PRKN: variants seen among roughly 807,000 people sequenced by gnomAD.
The protein encoded by PRKN is parkin RBR E3 ubiquitin protein ligase, also known as E3 ubiquitin-protein ligase parkin.
In PRKN, 56 loss-of-function variants were observed where a neutral mutation model predicts 59.5. The observed-to-expected ratio is 0.94, with a 90% confidence interval of 0.76 to 1.18. The LOEUF (loss-of-function observed/expected upper bound fraction) is 1.18, where lower values mean the gene tolerates loss of function less well. Among genes scored for constraint, PRKN ranks in the 50% most tolerant of loss-of-function variants. The probability of loss-of-function intolerance (pLI) is 0.00; values close to 1 mark genes in which losing one functional copy is unlikely to be tolerated. For missense variants in PRKN, 657 were observed against 596.4 expected (o/e 1.10, Z -1.06); for synonymous variants, 250 against 222.1 (o/e 1.13, Z -1.12).
At position 161,439,298 on chromosome 6, in the gene PRKN, G is replaced by C. The variant is rs73782901; in HGVS notation, c.1084-52421C>G. ...CCAAAAACATGGAGGAAATCAAGAG[G>C]GCAGAGCCGGGAAGGAGGCTGCATC... On this transcript the variant is annotated intron_variant, in intron 9 of 11. Coordinates refer to ENST00000366898, the MANE Select transcript of PRKN (RefSeq NM_004562.3). 3.5e-3 allele frequency among the ~76,000 whole-genome samples: 536 copies of C among 152,286 alleles called. 5 individuals carry two copies. The highest frequency in any genetic ancestry group is 0.012 in the African/African-American group (510 of 41,546).
chr6:162,584,069 C>T (rs982277856), intron 1 of PRKN, among the ~76,000 whole-genome samples: 1 of 151,832 alleles, frequency 6.6e-6, no homozygotes, highest in Non-Finnish European at 1.5e-5. Context: ...AAAAATTAGC[C>T]GGGCGTGGTG....
At chr6:161,595,582 A>G (rs1345824564) in intron 7 of PRKN, among the ~76,000 whole-genome samples, 1 of 152,222 alleles carries the variant, frequency 6.6e-6, no homozygotes, top group Non-Finnish European at 1.5e-5. Flanking sequence ...ATGAAAGCCC[A>G]GGACTCTTCA....
rs1054614587 is a variant in PRKN at position 161,385,212 on chromosome 6, G to T, written c.1167+1582C>A. ...CAAAGTGCTGGGATTACAGGCATAA[G>T]CCACCTCGCCCGGCCGGGAAATATA... On this transcript the variant is annotated intron_variant, in intron 10 of 11. Transcript: ENST00000366898. This position sits in a 1 kb window ranked among gnomAD's most constrained non-coding sequence, Gnocchi z 4.9. Among the ~76,000 whole-genome samples, 1 of 152,146 alleles carries T rather than the reference G, an allele frequency of 6.6e-6. No individual in the cohort carries two copies. Among genetic ancestry groups the T allele is most frequent in the African/African-American group, 2.4e-5 (1 of 41,430 alleles).
At chr6:162,199,498 T>G (rs1039485659) in intron 4 of PRKN, among the ~76,000 whole-genome samples, 8 of 152,180 alleles carry the variant, frequency 5.3e-5, no homozygotes, top group African/African-American at 1.9e-4. Context: ...GAAGTTGGTA[T>G]AAATAGGTCA....
rs985340280 is a variant in PRKN at position 161,856,952 on chromosome 6, G to C, written c.735-71044C>G. On this transcript the variant is annotated intron_variant, in intron 6 of 11. Transcript: ENST00000366898. ...AGATAAAAAGTTGACATTTTTTTCT[G>C]TAAAGAATCAGAGAGTAGTCCTGGC... 1.9e-4 allele frequency among the ~76,000 whole-genome samples: 21 copies of C among 113,200 alleles called. No individual in the cohort carries two copies. The East Asian group carries it at 3.0e-3, about 16-fold the overall frequency. The allele number at this position is 113,200 out of a possible 152,430, so 74.3% of individuals were successfully genotyped here.
In PRKN at chr6:161,415,904, T is replaced by C. The variant is rs529742856; in HGVS notation, c.1084-29027A>G. On this transcript the variant is annotated intron_variant, in intron 9 of 11. Coordinates refer to ENST00000366898, the MANE Select transcript of PRKN (RefSeq NM_004562.3). Reference sequence around the variant, plus strand: ...GGATGTGCCAGAACATGCCGTGGGCTTTCATCCTGCGTCACTCGACTGGGA... The same window carrying C: ...GGATGTGCCAGAACATGCCGTGGGCCTTCATCCTGCGTCACTCGACTGGGA... Among the ~76,000 whole-genome samples, 5 of 152,100 alleles carry C rather than the reference T, an allele frequency of 3.3e-5. No homozygotes were observed. In the East Asian group the frequency reaches 9.7e-4, roughly 29 times the overall value.
At chr6:161,884,745 G>A (rs1795067118) in intron 6 of PRKN, among the ~76,000 whole-genome samples, 1 of 152,106 alleles carries the variant, frequency 6.6e-6, no homozygotes, top group Admixed American at 6.5e-5. Context: ...ATCTGTAGTA[G>A]TCAATGAGTC....
intron 6 of PRKN, among the ~76,000 whole-genome samples, chr6:161,887,169 A>T (rs1416802640): frequency 2.0e-5 from 3 of 152,188 alleles, no homozygotes; most frequent in African/African-American, 4.8e-5. Context: ...TGCATTAAAA[A>T]CTATTATTTG....
intron 7 of PRKN, among the ~76,000 whole-genome samples, chr6:161,777,864 G>GTATATGTATACGTATATATGTATA (rs1554304353): frequency 4.9e-5 from 7 of 141,852 alleles, no homozygotes; most frequent in Non-Finnish European, 1.1e-4. Context: ...GTGTATATAT[G>GTATATGTATACGTATATATGTATA]TATATGTATA....
intron 3 of PRKN, among the ~76,000 whole-genome samples, chr6:162,227,214 G>A (rs1447114549): frequency 1.3e-5 from 2 of 152,130 alleles, no homozygotes; most frequent in African/African-American, 4.8e-5. Context: ...TTTAGTGTGT[G>A]TGTTAATTCT....
chr6:162,468,970 A>C (rs1562787442), intron 1 of PRKN, among the ~76,000 whole-genome samples: 1 of 152,220 alleles, frequency 6.6e-6, no homozygotes, highest in African/African-American at 2.4e-5. Flanking sequence ...TCTTTAAATT[A>C]AATTTAGTGC....
chr6:162,122,843 C>T (rs1239331409), intron 4 of PRKN, among the ~76,000 whole-genome samples: 1 of 151,984 alleles, frequency 6.6e-6, no homozygotes, highest in Admixed American at 6.6e-5. Flanking sequence ...GAAAACACAC[C>T]TGCAGAATCA....
At chr6:161,925,495 C>T (rs562812024) in intron 6 of PRKN, among the ~76,000 whole-genome samples, 12 of 152,102 alleles carry the variant, frequency 7.9e-5, no homozygotes, top group Admixed American at 5.2e-4. Flanking sequence ...CGCTTGAGCC[C>T]GGGAGGTGGA....
intron 1 of PRKN, among the ~76,000 whole-genome samples, chr6:162,445,260 G>A (rs1790253845): frequency 6.6e-6 from 1 of 152,034 alleles, no homozygotes; most frequent in East Asian, 1.9e-4. Context: ...AATAAACGAA[G>A]GCACAGGGAA....
chr6:161,600,582 C>A (rs963347479), intron 7 of PRKN, among the ~76,000 whole-genome samples: 6 of 152,112 alleles, frequency 3.9e-5, no homozygotes, highest in African/African-American at 1.2e-4. Context: ...ATACAATATA[C>A]TCTAGAAAAT....
chr6:161,656,019 C>T (rs915153698), intron 7 of PRKN, among the ~76,000 whole-genome samples: 10 of 152,180 alleles, frequency 6.6e-5, no homozygotes, highest in African/African-American at 2.2e-4. Context: ...GAATAAACCA[C>T]GTTTGTTACA....
At chr6:162,612,697 A>T (rs1782247472) in intron 1 of PRKN, among the ~76,000 whole-genome samples, 1 of 152,040 alleles carries the variant, frequency 6.6e-6, no homozygotes, top group African/African-American at 2.4e-5. Context: ...TTCCAGGATG[A>T]TGATGAAAGG....
chr6:162,255,457 A>AAAAAC (rs1192273138), intron 3 of PRKN, among the ~76,000 whole-genome samples: 7 of 152,302 alleles, frequency 4.6e-5, no homozygotes, highest in South Asian at 4.1e-4. Flanking sequence ...TGGTATGTTT[A>AAAAAC]AAAACAAAAC....
intron 6 of PRKN, among the ~76,000 whole-genome samples, chr6:161,947,840 T>C (rs921992128): frequency 2.0e-5 from 3 of 152,216 alleles, no homozygotes; most frequent in African/African-American, 7.2e-5. Flanking sequence ...ATATGTACCT[T>C]GTACACCTTT....
Sources: allele counts gnomAD v4.1 joint callset (sites outside exome capture counted in the v4.1 genomes callset), GRCh38; gene constraint gnomAD v4.1.1; non-coding constraint Gnocchi (gnomAD v3.1); transcripts MANE v1.5; gene names NCBI Gene and HGNC (gene_info 2026-07-23, HGNC 2026-07-21).